PCDHGA10: variants seen among roughly 807,000 people sequenced by gnomAD.
PCDHGA10 encodes protocadherin gamma subfamily A, 10.
In PCDHGA10, 42 loss-of-function variants were observed where a neutral mutation model predicts 59.5. The observed-to-expected ratio is 0.71, with a 90% CI of 0.55 to 0.91. PCDHGA10 has a LOEUF of 0.91. Ranked by LOEUF, PCDHGA10 falls within the 40% of genes least tolerant of loss-of-function variation. The probability of loss-of-function intolerance (pLI) is 0.00; values close to 1 mark genes in which losing one functional copy is unlikely to be tolerated. For synonymous variants in PCDHGA10, 511 were observed against 517.2 expected, an observed-to-expected ratio of 0.99 and a Z score of 0.16; for missense variants, 1,111 against 1,198.2, an observed-to-expected ratio of 0.93 and a Z score of 1.07.
intron 3 of PCDHGA10, among the ~76,000 whole-genome samples, chr5:141,508,984 C>G (rs1039260828): frequency 4.7e-4 from 72 of 152,154 alleles, no homozygotes; most frequent in African/African-American, 1.7e-3. Context: ...GGGTGGGGGC[C>G]AGCTGGGGTA....
Position 141,486,054 on chromosome 5 carries a change from G to T in PCDHGA10, c.2437-8753G>T. The T allele has an allele frequency of 1.2e-6, 2 of 1,614,124 alleles. No homozygotes were observed. Among genetic ancestry groups the T allele is most frequent in the South Asian group, 1.1e-5 (1 of 91,072 alleles). On this transcript the variant is annotated intron_variant, in intron 1 of 3. Transcript: ENST00000398610. The surrounding 1 kb of genome is among the most constrained non-coding windows in gnomAD (Gnocchi z 5.0). The stretch of plus-strand genomic sequence containing the variant: ...CCTGATCGTGTAAGAAACCTCTTTA[G>T]CCTGCACCCCACTACTGGAAAGCTT...
Position 141,431,559 on chromosome 5 carries a change from C to A in PCDHGA10, c.2436+15948C>A. On this transcript the variant is annotated intron_variant, in intron 1 of 3. Coordinates refer to ENST00000398610, the MANE Select transcript of PCDHGA10 (RefSeq NM_018913.3). The surrounding 1 kb of genome is among the most constrained non-coding windows in gnomAD (Gnocchi z 4.8). ...ACGCAGCTGCTTGTAGTCAACGCTA[C>A]CGACCCTGACGAAGGAGTCAATGCG... is the stretch of plus-strand genomic sequence containing the variant. 6.2e-7 allele frequency: 1 copy of A among 1,614,158 alleles called. No homozygotes were observed. The highest frequency in any genetic ancestry group is 8.5e-7 in the Non-Finnish European group (1 of 1,180,030).
chr5:141,438,806 C>T (rs866521707), intron 1 of PCDHGA10, among the ~76,000 whole-genome samples: 20 of 149,390 alleles, frequency 1.3e-4, no homozygotes, highest in Admixed American at 6.7e-4. Flanking sequence ...GGATTACAGG[C>T]GCCTGTCACC....
intron 1 of PCDHGA10, among the ~76,000 whole-genome samples, chr5:141,420,686 C>T (rs781004859): frequency 1.3e-4 from 20 of 152,258 alleles, no homozygotes; most frequent in Admixed American, 4.6e-4. Context: ...TTATCGGGAC[C>T]GTATTATTTC....
At position 141,485,651 on chromosome 5, in the gene PCDHGA10, G is replaced by A. The variant is rs752827268; in HGVS notation, c.2437-9156G>A. The A allele has an allele frequency of 6.8e-6, 11 of 1,612,228 alleles. No individual in the cohort carries two copies. The Admixed American group carries it at 1.3e-4, about 20-fold the overall frequency. ...TTTCCCGTTGGAAAAGGCTCAGGATGCAGATGTGGGGAGCAATTCGATTAG... is the reference window on the plus strand; with the variant it reads ...TTTCCCGTTGGAAAAGGCTCAGGATACAGATGTGGGGAGCAATTCGATTAG... On this transcript the variant is annotated intron_variant, in intron 1 of 3. Transcript: ENST00000398610. This position sits in a 1 kb window ranked among gnomAD's most constrained non-coding sequence, Gnocchi z 5.7.
chr5:141,441,927 G>A (rs2098285195), intron 1 of PCDHGA10: 2 of 354,242 alleles, frequency 5.6e-6, no homozygotes, highest in Non-Finnish European at 1.1e-5. Flanking sequence ...ACAATGCGTG[G>A]CTGTCCTACC....
chr5:141,486,909 C>A lies in PCDHGA10; in HGVS notation c.2437-7898C>A, dbSNP rs759702188. On this transcript the variant is annotated intron_variant, in intron 1 of 3. Coordinates refer to ENST00000398610, the MANE Select transcript of PCDHGA10 (RefSeq NM_018913.3). The surrounding 1 kb of genome is among the most constrained non-coding windows in gnomAD (Gnocchi z 5.0). ...CGGCCTGGTTCCTTATGTCCCCAAGCACTGCCTCCATCAGTTGGTGCTGGC... is the reference window on the plus strand; with the variant it reads ...CGGCCTGGTTCCTTATGTCCCCAAGAACTGCCTCCATCAGTTGGTGCTGGC... 3.1e-6 allele frequency: 5 copies of A among 1,614,262 alleles called. No individual in the cohort carries two copies. The East Asian group carries it at 1.1e-4, about 36-fold the overall frequency.
At chr5:141,467,285 T>G (rs6870144) in intron 1 of PCDHGA10, among the ~76,000 whole-genome samples, 42,564 of 152,010 alleles carry the variant, frequency 0.28, 6,785 homozygotes, top group African/African-American at 0.45. Context: ...ACTCTTGACC[T>G]CAAGTGATCC....
At chr5:141,426,916 A>T (rs1227752756) in intron 1 of PCDHGA10, 2 of 456,618 alleles carry the variant, frequency 4.4e-6, no homozygotes, top group Non-Finnish European at 4.4e-6. Context: ...CTGGTCCTGG[A>T]AGCAATGGAC....
At chr5:141,425,173 T>A (rs182492696) in intron 1 of PCDHGA10, among the ~76,000 whole-genome samples, 5 of 152,284 alleles carry the variant, frequency 3.3e-5, no homozygotes, top group Admixed American at 3.3e-4. Context: ...GGATTTATAC[T>A]TGTGGAATTC....
At chr5:141,461,981 G>A (rs755173695) in intron 1 of PCDHGA10, among the ~76,000 whole-genome samples, 4 of 152,078 alleles carry the variant, frequency 2.6e-5, no homozygotes, top group Non-Finnish European at 5.9e-5. Context: ...ATGCCACCAC[G>A]CCAGGCTAAT....
intron 1 of PCDHGA10, chr5:141,423,279 C>T: frequency 1.9e-6 from 3 of 1,614,032 alleles, no homozygotes; most frequent in Non-Finnish European, 2.5e-6. Flanking sequence ...CTCTGGCTAA[C>T]TCTGAAACCT....
At chr5:141,510,272 T>TAAAA (rs546154379) in intron 3 of PCDHGA10, among the ~76,000 whole-genome samples, 4 of 130,388 alleles carry the variant, frequency 3.1e-5, no homozygotes, top group Non-Finnish European at 4.9e-5. Context: ...GACTCCATCT[T>TAAAA]AAAAAAAAAA....
chr5:141,432,627 C>T lies in PCDHGA10; in HGVS notation c.2436+17016C>T. ...GGACTCTTCTCGGTGGGTCTGCACA[C>T]GGGCGAGGTGCGCACGGCGCGAGCC... On this transcript the variant is annotated intron_variant, in intron 1 of 3. Coordinates refer to ENST00000398610, the MANE Select transcript of PCDHGA10 (RefSeq NM_018913.3). This position sits in a 1 kb window ranked among gnomAD's most constrained non-coding sequence, Gnocchi z 6.0. 1.2e-6 allele frequency: 2 copies of T among 1,613,770 alleles called. No individual in the cohort carries two copies. Among genetic ancestry groups the T allele is most frequent in the Non-Finnish European group, 1.7e-6 (2 of 1,179,944 alleles).
intron 1 of PCDHGA10, chr5:141,419,384 G>T (rs1383174444): frequency 1.2e-6 from 2 of 1,613,554 alleles, no homozygotes; most frequent in East Asian, 2.2e-5. Flanking sequence ...GTCCGTGAGC[G>T]CGCAGAGCGG....
intron 1 of PCDHGA10, chr5:141,426,692 C>T: frequency 2.3e-6 from 1 of 435,472 alleles, no homozygotes; most frequent in Non-Finnish European, 4.7e-6. Flanking sequence ...CCCAAAATAG[C>T]ATTGTTTTAC....
At chr5:141,430,818 T>G (rs1240970813) in intron 1 of PCDHGA10, 2 of 1,540,582 alleles carry the variant, frequency 1.3e-6, no homozygotes, top group Non-Finnish European at 1.7e-6. Flanking sequence ...GGAATCCTCC[T>G]GGGGACTCTG....
At position 141,490,346 on chromosome 5, in the gene PCDHGA10, T is replaced by G. The variant is rs1396321935; in HGVS notation, c.2437-4461T>G. 1.2e-6 allele frequency: 2 copies of G among 1,614,046 alleles called. No individual in the cohort carries two copies. Among genetic ancestry groups the G allele is most frequent in the African/African-American group, 2.7e-5 (2 of 74,900 alleles). ...GAGAGCACACCAGTGGGCACAGTAG[T>G]GGGGTTGTTTAATGTGCGAGACCGG... On this transcript the variant is annotated intron_variant, in intron 1 of 3. Coordinates refer to ENST00000398610, the MANE Select transcript of PCDHGA10 (RefSeq NM_018913.3). This position sits in a 1 kb window ranked among gnomAD's most constrained non-coding sequence, Gnocchi z 5.4.
At chr5:141,427,599 C>T (rs1233253295) in intron 1 of PCDHGA10, 3 of 682,980 alleles carry the variant, frequency 4.4e-6, no homozygotes, top group South Asian at 3.0e-5. Flanking sequence ...CCTCACCCTA[C>T]GCATTGGTGA....
Sources: allele counts gnomAD v4.1 joint callset (sites outside exome capture counted in the v4.1 genomes callset), GRCh38; gene constraint gnomAD v4.1.1; non-coding constraint Gnocchi (gnomAD v3.1); transcripts MANE v1.5; gene names NCBI Gene and HGNC (gene_info 2026-07-23, HGNC 2026-07-21).